The following ANKRD18A variants were observed in gnomAD, a reference collection of about 807,000 sequenced individuals.
ANKRD18A encodes the protein ankyrin repeat domain 18A.
ANKRD18A carries 72 observed loss-of-function variants against 110.6 expected under a neutral mutation model. The observed-to-expected ratio is 0.65, with a 90% CI of 0.54 to 0.79. The LOEUF is 0.79. Among genes scored for constraint, ANKRD18A ranks in the 30% least tolerant of loss-of-function variants. ANKRD18A has a pLI of 0.00. For missense variants in ANKRD18A, 934 were observed against 1,163.3 expected (o/e 0.80, Z 2.87); for synonymous variants, 305 against 410.3 (o/e 0.74, Z 3.10).
In ANKRD18A at chr9:38,577,811, C is replaced by G. The variant is rs1417758342; in HGVS notation, c.2529+56G>C. ...ATATACATATCCAAAATATAGTTTG[C>G]AGTGAAATAAATGAAAGCCCATTAC... On this transcript the variant is annotated intron_variant, in intron 13 of 15. Coordinates refer to ENST00000399703, the MANE Select transcript of ANKRD18A (RefSeq NM_147195.4). 2.7e-6 allele frequency: 4 copies of G among 1,507,436 alleles called. No individual in the cohort carries two copies. In the African/African-American group the frequency reaches 5.7e-5, roughly 22 times the overall value. 93.4% of individuals were successfully genotyped at this position (1,507,436 alleles called of 1,614,324 possible).
chr9:38,601,933 C>T (rs868115976), intron 7 of ANKRD18A, among the ~76,000 whole-genome samples: 5 of 149,112 alleles, frequency 3.4e-5, no homozygotes, highest in African/African-American at 9.9e-5. Flanking sequence ...CAGTGAGTCT[C>T]GGTCATGCCA....
At chr9:38,617,021 G>A (rs925729785) in intron 1 of ANKRD18A, among the ~76,000 whole-genome samples, 1 of 152,166 alleles carries the variant, frequency 6.6e-6, no homozygotes, top group Non-Finnish European at 1.5e-5. Flanking sequence ...TACACAGCAG[G>A]TCTAGGGCAA....
chr9:38,580,739 G>C (rs531323296), intron 12 of ANKRD18A, among the ~76,000 whole-genome samples: 75 of 150,614 alleles, frequency 5.0e-4, no homozygotes, highest in African/African-American at 1.8e-3. Flanking sequence ...TAAAACAAAA[G>C]AGAATCTATA....
At chr9:38,589,207 T>G (rs1235910523) in intron 10 of ANKRD18A, among the ~76,000 whole-genome samples, 19 of 152,234 alleles carry the variant, frequency 1.2e-4, no homozygotes, top group Non-Finnish European at 1.5e-5. Context: ...AGTTTATTTT[T>G]TCTACAATAC....
chr9:38,575,141 T>C (rs2118634170), intron 15 of ANKRD18A, among the ~76,000 whole-genome samples: 1 of 150,748 alleles, frequency 6.6e-6, no homozygotes, highest in East Asian at 1.9e-4. Context: ...TACAATCAAG[T>C]AGAGTAAGAC....
intron 8 of ANKRD18A, 83 bp downstream of exon 8, chr9:38,601,048 A>C (rs1330434231): frequency 8.3e-7 from 1 of 1,200,420 alleles, no homozygotes; most frequent in African/African-American, 1.5e-5. Flanking sequence ...CTAAAAGGTC[A>C]CTTCATTTGG....
At position 38,607,459 on chromosome 9, in the gene ANKRD18A, T is replaced by C. The variant is rs1213801521; in HGVS notation, c.775A>G (p.Met259Val). Residue 259 changes from methionine (M) to valine (V), a missense_variant, in exon 6 of 16, where the codon ATG becomes GTG. This residue lies in a region of ANKRD18A where 630 missense variants were observed against 797.5 expected (regional missense o/e 0.79). Transcript: ENST00000399703. The part of the protein sequence containing the change: ...RQQILEHKNK[M>V]LKNHLRNDNQ... ...TCATTTCGAAGATGATTTTTAAGCA[T>C]TTTATTTTTATGTTCCAAAATTTGT... 1 of 1,504,416 alleles carries C rather than the reference T, an allele frequency of 6.6e-7. No individual in the cohort carries two copies. Among genetic ancestry groups the C allele is most frequent in the East Asian group, 2.6e-5 (1 of 38,896 alleles). 93.2% of individuals were successfully genotyped at this position (1,504,416 alleles called of 1,614,324 possible).
At chr9:38,589,215 T>C (rs149954077) in intron 10 of ANKRD18A, among the ~76,000 whole-genome samples, 1,768 of 152,346 alleles carry the variant, frequency 0.012, 32 homozygotes, top group African/African-American at 0.04. Context: ...TTTTCTACAA[T>C]ACACAAATAA....
intron 3 of ANKRD18A, among the ~76,000 whole-genome samples, chr9:38,613,264 T>A (rs1587544382): frequency 6.6e-6 from 1 of 151,448 alleles, no homozygotes; most frequent in Non-Finnish European, 1.5e-5. Flanking sequence ...ACCAGATTTG[T>A]TTCTTAAGCC....
At position 38,607,478 on chromosome 9, in the gene ANKRD18A, A is replaced by T. The variant is rs1825414116; in HGVS notation, c.756T>A (p.Ile252=). 2 of 1,501,144 alleles carry T rather than the reference A, an allele frequency of 1.3e-6. No homozygotes were observed. Among genetic ancestry groups the T allele is most frequent in the Non-Finnish European group, 1.8e-6 (2 of 1,121,710 alleles). 93.0% of individuals were successfully genotyped at this position (1,501,144 alleles called of 1,614,324 possible). Residue 252 remains isoleucine, a synonymous_variant, in exon 6 of 16, where the codon ATT becomes ATA. Transcript: ENST00000399703. Reference sequence around the variant, plus strand: ...TAAGCATTTTATTTTTATGTTCCAAAATTTGTTGTCGGATGCTATGCATAA... The same window carrying T: ...TAAGCATTTTATTTTTATGTTCCAATATTTGTTGTCGGATGCTATGCATAA... ...CSDLRSIRQQ[I]LEHKNKMLKN... is the part of the protein sequence containing the mutation.
intron 3 of ANKRD18A, among the ~76,000 whole-genome samples, chr9:38,614,209 G>A (rs182435257): frequency 1.4e-5 from 2 of 139,874 alleles, no homozygotes; most frequent in East Asian, 2.2e-4. Flanking sequence ...GAGTGTATTC[G>A]AACACTGAGG....
At chr9:38,592,054 T>G (rs1048290204) in intron 10 of ANKRD18A, among the ~76,000 whole-genome samples, 1 of 152,222 alleles carries the variant, frequency 6.6e-6, no homozygotes, top group Non-Finnish European at 1.5e-5. Flanking sequence ...GGCTACATAG[T>G]GAAGGAAGGC....
intron 15 of ANKRD18A, among the ~76,000 whole-genome samples, chr9:38,574,209 C>T (rs1341259960): frequency 1.3e-5 from 2 of 152,168 alleles, no homozygotes; most frequent in African/African-American, 4.8e-5. Flanking sequence ...CCAGCTGTAT[C>T]CATGTTGCTG....
intron 7 of ANKRD18A, among the ~76,000 whole-genome samples, chr9:38,602,888 G>A (rs1470988549): frequency 6.6e-6 from 1 of 152,108 alleles, no homozygotes; most frequent in African/African-American, 2.4e-5. Flanking sequence ...CAGGCTGCTG[G>A]ACCTCCAAGC....
intron 10 of ANKRD18A, 61 bp downstream of exon 10, chr9:38,593,699 A>G: frequency 7.3e-7 from 1 of 1,369,652 alleles, no homozygotes; most frequent in South Asian, 2.1e-5. Context: ...GTATCCTAAG[A>G]CACTTTATAT....
chr9:38,601,525 C>T (rs1280885198), intron 7 of ANKRD18A, among the ~76,000 whole-genome samples: 1 of 152,080 alleles, frequency 6.6e-6, no homozygotes, highest in Admixed American at 6.6e-5. Context: ...TAAAGTAACA[C>T]TTTACTATTC....
At chr9:38,607,390 C>A (rs1367114297) in intron 6 of ANKRD18A, 36 bp downstream of exon 6, 145 of 1,441,348 alleles carry the variant, frequency 1.0e-4, no homozygotes, top group Non-Finnish European at 1.3e-4. Flanking sequence ...GTAAGATCAC[C>A]AAGGGAAATG....
At chr9:38,590,450 C>T (rs932336632) in intron 10 of ANKRD18A, among the ~76,000 whole-genome samples, 1 of 152,024 alleles carries the variant, frequency 6.6e-6, no homozygotes, top group South Asian at 2.1e-4. Flanking sequence ...CAGGGTTTCA[C>T]CATGTTGGCC....
chr9:38,580,495 A>G lies in ANKRD18A; in HGVS notation c.2248-2347T>C, dbSNP rs558988931. Among the ~76,000 whole-genome samples the G allele has an allele frequency of 4.7e-3, 722 of 152,330 alleles. 8 individuals are homozygous for G. Among genetic ancestry groups the G allele is most frequent in the African/African-American group, 0.016 (664 of 41,560 alleles). On this transcript the variant is annotated intron_variant, in intron 12 of 15. Transcript: ENST00000399703. ...TTAATGGATACAGAATTACAGTTAG[A>G]TAAGAGGAATGAGTTCTGATGTTCT...
Sources: gnomAD v4.1 joint callset for allele counts (sites outside exome capture counted in the v4.1 genomes callset) on GRCh38, gnomAD v4.1.1 for gene constraint, gnomAD v4.1.1 regional missense constraint, MANE v1.5 for transcripts, NCBI Gene and HGNC (gene_info 2026-07-23, HGNC 2026-07-21) for gene names.